KATNAL1: variants seen among roughly 807,000 people sequenced by gnomAD.
KATNAL1 encodes katanin catalytic subunit A1 like 1, also known as katanin p60 ATPase-containing subunit A-like 1.
In KATNAL1, 32 loss-of-function variants were observed where a neutral mutation model predicts 55.2. The observed-to-expected ratio is 0.58, with a 90% CI of 0.44 to 0.78. KATNAL1 has a LOEUF of 0.78. Ranked by LOEUF, KATNAL1 falls within the 30% of genes least tolerant of loss-of-function variation. KATNAL1 has a pLI of 0.00. For synonymous variants in KATNAL1, 193 were observed against 193.6 expected (o/e 1.00, Z 0.02); for missense variants, 466 against 600.9 (o/e 0.78, Z 2.35).
chr13:30,292,561 A>G (rs1882203292), intron 1 of KATNAL1, among the ~76,000 whole-genome samples: 1 of 152,132 alleles, frequency 6.6e-6, no homozygotes, highest in South Asian at 2.1e-4. Flanking sequence ...CAAGGCTGTA[A>G]GCAAACCTGA....
chr13:30,279,807 G>A (rs111588526), intron 3 of KATNAL1, among the ~76,000 whole-genome samples: 3,027 of 152,168 alleles, frequency 0.02, 101 homozygotes, highest in African/African-American at 0.068. Context: ...TCTCTTAACT[G>A]ATAAATTTTA....
intron 3 of KATNAL1, among the ~76,000 whole-genome samples, chr13:30,265,633 C>T (rs532957395): frequency 7.2e-5 from 11 of 151,726 alleles, no homozygotes; most frequent in South Asian, 2.1e-4. Context: ...TTCCTTAAAG[C>T]TTTCAGATTC....
At chr13:30,251,133 C>T (rs1350680164) in intron 4 of KATNAL1, among the ~76,000 whole-genome samples, 1 of 119,284 alleles carries the variant, frequency 8.4e-6, no homozygotes, top group Non-Finnish European at 1.7e-5. Flanking sequence ...GAGCAAGACT[C>T]TGCCTCAAAA....
chr13:30,269,130 G>T (rs965046840), intron 3 of KATNAL1, among the ~76,000 whole-genome samples: 3 of 151,856 alleles, frequency 2.0e-5, no homozygotes, highest in Non-Finnish European at 4.4e-5. Flanking sequence ...CTCTGATGCC[G>T]AGCCGAAGCT....
Position 30,231,397 on chromosome 13 carries a change from T to G in KATNAL1, c.802A>C (p.Thr268Pro). The change falls in exon 7 of 11, where the codon ACA becomes CCA. Residue 268 changes from threonine (T) to proline (P), a missense_variant. By Grantham distance (38) the Thr-to-Pro change is conservative. Transcript: ENST00000380615. ...GTAGAAGACGAAACGTTGAAGAATGTTGTACCACATTCAGTGGCAACAGCT... is the reference window on the plus strand; with the variant it reads ...GTAGAAGACGAAACGTTGAAGAATGGTGTACCACATTCAGTGGCAACAGCT... ...AKAVATECGT[T>P]FFNVSSSTLT... The G allele has an allele frequency of 6.2e-7, 1 of 1,609,666 alleles. No homozygotes were observed. Among genetic ancestry groups the G allele is most frequent in the Non-Finnish European group, 8.5e-7 (1 of 1,177,882 alleles).
At chr13:30,270,522 C>T (rs907163509) in intron 3 of KATNAL1, among the ~76,000 whole-genome samples, 3 of 151,006 alleles carry the variant, frequency 2.0e-5, no homozygotes, top group African/African-American at 7.3e-5. Context: ...GGATGGTTGC[C>T]GTGTCTGTGT....
At chr13:30,230,023 T>C (rs1281669158) in intron 8 of KATNAL1, among the ~76,000 whole-genome samples, 2 of 151,590 alleles carry the variant, frequency 1.3e-5, no homozygotes, top group Admixed American at 6.6e-5. Context: ...TTCTCATATC[T>C]GCTTCTGCTT....
rs1246485019 is a variant in KATNAL1 at position 30,207,950 on chromosome 13, T to A, written c.*590A>T. 6.6e-6 allele frequency: 1 copy of A among 152,128 alleles called. No individual in the cohort carries two copies. Among genetic ancestry groups the A allele is most frequent in the African/African-American group, 2.4e-5 (1 of 41,408 alleles). The allele number at this position is 152,128 out of a possible 1,614,324, so 9.4% of individuals were successfully genotyped here. A position where few individuals can be genotyped will look rare whatever the true frequency, so the allele number is the denominator to read the frequency against. ...GCGTGAGAATATTCCTCAGTAAAGCTCAAGATATTATGAAGTAGCTAGCAG... is the reference window on the plus strand; with the variant it reads ...GCGTGAGAATATTCCTCAGTAAAGCACAAGATATTATGAAGTAGCTAGCAG... On this transcript the variant is annotated 3_prime_UTR_variant, in exon 11 of 11. Transcript: ENST00000380615.
intron 4 of KATNAL1, among the ~76,000 whole-genome samples, chr13:30,247,816 T>C: frequency 1.3e-5 from 2 of 151,168 alleles, no homozygotes; most frequent in South Asian, 4.1e-4. Flanking sequence ...TAAGAGGAAC[T>C]CTCTGGCTGC....
chr13:30,277,778 T>C (rs957076467), intron 3 of KATNAL1, among the ~76,000 whole-genome samples: 8 of 151,644 alleles, frequency 5.3e-5, no homozygotes, highest in Non-Finnish European at 1.0e-4. Flanking sequence ...GGTCAGGAGA[T>C]CGAGACCATC....
intron 3 of KATNAL1, 24 bp from the exon 4 acceptor site, chr13:30,255,639 ATT>A (rs372153992): frequency 3.5e-6 from 4 of 1,143,398 alleles, no homozygotes; most frequent in Non-Finnish European, 4.6e-6. Context: ...AAAAAAAAAA[ATT>A]AAAATTAAAA....
At chr13:30,228,605 C>T (rs1156581458) in intron 8 of KATNAL1, among the ~76,000 whole-genome samples, 1 of 152,202 alleles carries the variant, frequency 6.6e-6, no homozygotes, top group Non-Finnish European at 1.5e-5. Context: ...ATACTCATTC[C>T]TTTCTCTCAT....
intron 3 of KATNAL1, among the ~76,000 whole-genome samples, chr13:30,270,578 G>A (rs532567341): frequency 1.3e-5 from 2 of 152,236 alleles, no homozygotes; most frequent in Non-Finnish European, 2.9e-5. Context: ...TCTGTACTAA[G>A]AAAAATTCTT....
intron 3 of KATNAL1, among the ~76,000 whole-genome samples, chr13:30,259,944 C>T (rs1879130918): frequency 6.6e-6 from 1 of 152,242 alleles, no homozygotes; most frequent in South Asian, 2.1e-4. Flanking sequence ...AAAAAGACAG[C>T]AGTAACCTCT....
chr13:30,240,806 CATT>C lies in KATNAL1; in HGVS notation c.620+150_620+152del, dbSNP rs572848675. ...TTAACATGTAAAATGTCCTTGGTTA[CATT>C]CGACAGAACTGTCTCGTCAATTCTA... is the stretch of plus-strand genomic sequence containing the variant. On this transcript the variant is annotated intron_variant, in intron 5 of 10. Coordinates refer to ENST00000380615, the MANE Select transcript of KATNAL1 (RefSeq NM_032116.5). Among the ~76,000 whole-genome samples the C allele has an allele frequency of 1.3e-4, 20 of 152,148 alleles. 1 individual carries two copies. In the South Asian group the frequency reaches 4.1e-3, roughly 32 times the overall value.
chr13:30,252,746 CTT>C (rs1159261874), intron 4 of KATNAL1, among the ~76,000 whole-genome samples: 27 of 143,798 alleles, frequency 1.9e-4, no homozygotes, highest in African/African-American at 1.3e-4. Context: ...ATTTTCCTTT[CTT>C]TTTTTTTTTT....
chr13:30,225,647 T>TACACACACACAC (rs57630828), intron 9 of KATNAL1, among the ~76,000 whole-genome samples: 3 of 146,652 alleles, frequency 2.0e-5, no homozygotes, highest in African/African-American at 7.6e-5. Context: ...ATGACTCATC[T>TACACACACACAC]ACACACACAC....
rs1199083029 is a variant in KATNAL1 at position 30,206,687 on chromosome 13, C to T, written c.*1853G>A. On this transcript the variant is annotated 3_prime_UTR_variant, in exon 11 of 11. Transcript: ENST00000380615. ...GGAAAAACCACAATTACTTTTGCAC[C>T]AACCCATTACAAACAAGTTTTAACA... is the stretch of plus-strand genomic sequence containing the variant. 6.6e-6 allele frequency: 1 copy of T among 151,714 alleles called. No individual in the cohort carries two copies. The highest frequency in any genetic ancestry group is 1.5e-5 in the Non-Finnish European group (1 of 67,918). 9.4% of individuals were successfully genotyped at this position (151,714 alleles called of 1,614,324 possible).
intron 3 of KATNAL1, among the ~76,000 whole-genome samples, chr13:30,267,037 A>G (rs1408253953): frequency 6.6e-6 from 1 of 152,178 alleles, no homozygotes; most frequent in Middle Eastern, 3.2e-3. Context: ...AATCATTTTG[A>G]GAGTGGGGCA....
Sources: gnomAD v4.1 joint callset for allele counts (sites outside exome capture counted in the v4.1 genomes callset) on GRCh38, gnomAD v4.1.1 for gene constraint, MANE v1.5 for transcripts, NCBI Gene and HGNC (gene_info 2026-07-23, HGNC 2026-07-21) for gene names.